The following MAPK10 variants were observed in gnomAD, a reference collection of about 807,000 sequenced individuals.
MAPK10 encodes mitogen-activated protein kinase 10.
A neutral mutation model predicts 59.3 loss-of-function variants in MAPK10; 25 were observed. That is an observed-to-expected ratio of 0.42 (90% confidence interval 0.31 to 0.59). The LOEUF is 0.59. Among genes scored for constraint, MAPK10 ranks in the 20% least tolerant of loss-of-function variants. The pLI, the probability that MAPK10 is intolerant of heterozygous loss-of-function variation, is 0.15. For synonymous variants in MAPK10, 190 were observed against 200.5 expected, an observed-to-expected ratio of 0.95 and a Z score of 0.44; for missense variants, 351 against 568.9, an observed-to-expected ratio of 0.62 and a Z score of 3.90.
At chr4:86,222,334 G>A (rs2089812900) in intron 2 of MAPK10, among the ~76,000 whole-genome samples, 1 of 152,172 alleles carries the variant, frequency 6.6e-6, no homozygotes, top group African/African-American at 2.4e-5. Flanking sequence ...CCAAATGCCA[G>A]GAGTTTTGCT....
At chr4:86,221,354 T>G (rs901069762) in intron 2 of MAPK10, among the ~76,000 whole-genome samples, 1 of 152,206 alleles carries the variant, frequency 6.6e-6, no homozygotes, top group Non-Finnish European at 1.5e-5. Context: ...CTAATTTATC[T>G]TATGCAGCAA....
At chr4:86,420,377 C>T (rs1564836702) in intron 1 of MAPK10, among the ~76,000 whole-genome samples, 1 of 152,190 alleles carries the variant, frequency 6.6e-6, no homozygotes, top group Non-Finnish European at 1.5e-5. Flanking sequence ...GTTGTTAGAA[C>T]TTTTATATTA....
chr4:86,447,766 T>C (rs1323309692), intron 1 of MAPK10, among the ~76,000 whole-genome samples: 1 of 152,204 alleles, frequency 6.6e-6, no homozygotes. Context: ...TCCTTGAAGT[T>C]TTCTCCTAAA....
chr4:86,079,679 C>A (rs1449721592), intron 9 of MAPK10: 1 of 152,120 alleles, frequency 6.6e-6, no homozygotes, highest in South Asian at 2.1e-4. Context: ...GAAGCTGATA[C>A]AAACAGCCTA....
At chr4:86,385,968 G>C (rs1286360325) in intron 1 of MAPK10, among the ~76,000 whole-genome samples, 1 of 152,160 alleles carries the variant, frequency 6.6e-6, no homozygotes, top group Non-Finnish European at 1.5e-5. Context: ...GCCAGGTAAA[G>C]AAAACTCTGT....
intron 1 of MAPK10, among the ~76,000 whole-genome samples, chr4:86,535,572 C>T (rs1052252639): frequency 6.6e-6 from 1 of 152,172 alleles, no homozygotes; most frequent in African/African-American, 2.4e-5. Flanking sequence ...CTGCCCCAGC[C>T]TCCCCAAGTG....
chr4:86,342,546 T>C (rs1725620732), intron 2 of MAPK10, among the ~76,000 whole-genome samples: 1 of 151,328 alleles, frequency 6.6e-6, no homozygotes. Flanking sequence ...CTGTCAGAGC[T>C]CATTAATCCT....
At chr4:86,495,140 G>A (rs574135337) in intron 1 of MAPK10, among the ~76,000 whole-genome samples, 32 of 152,224 alleles carry the variant, frequency 2.1e-4, no homozygotes, top group African/African-American at 7.2e-4. Context: ...CCAACATGAG[G>A]CCTAAAGCGA....
chr4:86,304,794 C>T (rs2095538125), intron 2 of MAPK10, among the ~76,000 whole-genome samples: 1 of 152,112 alleles, frequency 6.6e-6, no homozygotes, highest in South Asian at 2.1e-4. Context: ...CCCTTAATTC[C>T]TCTAGTCCTC....
intron 1 of MAPK10, among the ~76,000 whole-genome samples, chr4:86,420,578 A>C (rs955341204): frequency 1.3e-5 from 2 of 151,954 alleles, no homozygotes; most frequent in African/African-American, 4.8e-5. Context: ...ACTTGAGCTC[A>C]AGAGTTTGAG....
chr4:86,227,044 A>G (rs2090744088), intron 2 of MAPK10, among the ~76,000 whole-genome samples: 1 of 152,174 alleles, frequency 6.6e-6, no homozygotes, highest in African/African-American at 2.4e-5. Context: ...CATATTGTGA[A>G]TGTCACAATT....
intron 2 of MAPK10, among the ~76,000 whole-genome samples, chr4:86,302,089 T>C (rs1298327761): frequency 6.6e-6 from 1 of 152,198 alleles, no homozygotes; most frequent in African/African-American, 2.4e-5. Context: ...GTGCACAATC[T>C]TTTGAATTTA....
In MAPK10 at chr4:86,583,390, C is replaced by T. The variant is rs145290258; in HGVS notation, c.-263+10520G>A. Among the ~76,000 whole-genome samples, 618 of 152,164 alleles carry T rather than the reference C, an allele frequency of 4.1e-3. 1 individual carries two copies. The highest frequency in any genetic ancestry group is 7.5e-3 in the South Asian group (36 of 4,820). ...AGAAGCTAGAAAAGCTATGTACTTG[C>T]TTCCTTGCTTTCCTTGCAATCAGAA... On this transcript the variant is annotated intron_variant, in intron 1 of 4. Transcript: ENST00000502302.
chr4:86,579,311 A>G (rs1762103348), intron 1 of MAPK10, among the ~76,000 whole-genome samples: 1 of 152,066 alleles, frequency 6.6e-6, no homozygotes, highest in Non-Finnish European at 1.5e-5. Flanking sequence ...TGTTTAAGGT[A>G]CTTTTTGTTT....
At chr4:86,100,791 CTG>C (rs2055209672) in intron 8 of MAPK10, 1 of 338,338 alleles carries the variant, frequency 3.0e-6, no homozygotes, top group South Asian at 5.2e-5. Context: ...ATCCGCTTGA[CTG>C]TTTAATCAGA....
At chr4:86,315,200 G>A (rs2095755839) in intron 2 of MAPK10, among the ~76,000 whole-genome samples, 8 of 151,872 alleles carry the variant, frequency 5.3e-5, no homozygotes, top group Admixed American at 5.3e-4. Flanking sequence ...CAAAACAATT[G>A]AACTCATGGA....
At chr4:86,098,806 A>G (rs2054735135) in intron 8 of MAPK10, 2 of 477,232 alleles carry the variant, frequency 4.2e-6, no homozygotes, top group Admixed American at 6.6e-5. Flanking sequence ...ATGTTTAAAA[A>G]CCCATTACTT....
intron 1 of MAPK10, among the ~76,000 whole-genome samples, chr4:86,498,781 A>T (rs993015081): frequency 2.0e-5 from 3 of 152,210 alleles, no homozygotes; most frequent in Non-Finnish European, 4.4e-5. Context: ...CCTAATCGCC[A>T]AACATCATTT....
intron 3 of MAPK10, chr4:86,193,955 A>G (rs537164998): frequency 4.8e-6 from 1 of 209,442 alleles, no homozygotes; most frequent in East Asian, 1.2e-4. Context: ...AGAGTGCACC[A>G]TTCCTCATGG....
Sources: allele counts gnomAD v4.1 joint callset (sites outside exome capture counted in the v4.1 genomes callset), GRCh38; gene constraint gnomAD v4.1.1; transcripts MANE v1.5; gene names NCBI Gene and HGNC (gene_info 2026-07-23, HGNC 2026-07-21).